Variants in EPB41L4B observed in about 807,000 individuals in gnomAD.
The protein encoded by EPB41L4B is erythrocyte membrane protein band 4.1 like 4B.
EPB41L4B carries 30 observed loss-of-function variants against 112.5 expected under a neutral mutation model. That is an observed-to-expected ratio of 0.27 (90% CI 0.20 to 0.36). The LOEUF (loss-of-function observed/expected upper bound fraction) is 0.36, where lower values mean the gene tolerates loss of function less well. Ranked by LOEUF, EPB41L4B falls within the 10% of genes least tolerant of loss-of-function variation. The pLI, the probability that EPB41L4B is intolerant of heterozygous loss-of-function variation, is 1.00. For missense variants in EPB41L4B, 1,024 were observed against 1,133.3 expected, an observed-to-expected ratio of 0.90 and a Z score of 1.38; for synonymous variants, 408 against 439.7, an observed-to-expected ratio of 0.93 and a Z score of 0.90.
At position 109,174,520 on chromosome 9, in the gene EPB41L4B, A is replaced by G; in HGVS notation, c.*34T>C. On this transcript the variant is annotated 3_prime_UTR_variant, in exon 26 of 26. Transcript: ENST00000374566. ...CGAAGAAAGAAGACGGACAGAAGGC[A>G]CCATGCCATCTTCCAGGTGACAAGG... 2 of 1,577,444 alleles carry G rather than the reference A, an allele frequency of 1.3e-6. No individual in the cohort carries two copies. Among genetic ancestry groups the G allele is most frequent in the Non-Finnish European group, 1.7e-6 (2 of 1,146,430 alleles).
intron 1 of EPB41L4B, among the ~76,000 whole-genome samples, chr9:109,290,270 G>A (rs1836474124): frequency 6.6e-6 from 1 of 152,004 alleles, no homozygotes; most frequent in Non-Finnish European, 1.5e-5. Flanking sequence ...TAGCAAATGA[G>A]CATACACTGC....
At chr9:109,190,799 G>A (rs1201391220) in intron 22 of EPB41L4B, among the ~76,000 whole-genome samples, 1 of 152,212 alleles carries the variant, frequency 6.6e-6, no homozygotes, top group African/African-American at 2.4e-5. Flanking sequence ...GTGAAGGACT[G>A]GATGAGATGG....
At chr9:109,196,469 G>A (rs1475851927) in intron 20 of EPB41L4B, among the ~76,000 whole-genome samples, 3 of 152,070 alleles carry the variant, frequency 2.0e-5, no homozygotes, top group South Asian at 2.1e-4. Context: ...CTGTAATCCC[G>A]GCACTCTGGG....
intron 20 of EPB41L4B, chr9:109,196,338 A>G (rs993976131): frequency 2.0e-5 from 3 of 152,124 alleles, no homozygotes; most frequent in African/African-American, 7.2e-5. Context: ...CTTTTACACT[A>G]TGTTTAAATA....
intron 1 of EPB41L4B, among the ~76,000 whole-genome samples, chr9:109,319,393 G>T (rs1332875595): frequency 1.3e-5 from 2 of 152,168 alleles, no homozygotes; most frequent in Admixed American, 1.3e-4. Context: ...AGTCAGGCGC[G>T]CCTGGCCCCC....
Position 109,248,077 on chromosome 9 carries a change from G to T in EPB41L4B, c.1311-288C>A, listed in dbSNP as rs1834629876. ...GTCATATTTTGGTGACAAAAATGAG[G>T]TCCTGTTTCAGTTGGGCAAACCAAG... is the stretch of plus-strand genomic sequence containing the variant. On this transcript the variant is annotated intron_variant, in intron 13 of 25. Transcript: ENST00000374566. 2.0e-5 allele frequency among the ~76,000 whole-genome samples: 3 copies of T among 152,196 alleles called. No individual in the cohort carries two copies. The South Asian group carries it at 6.2e-4, about 31-fold the overall frequency.
At chr9:109,314,463 G>A (rs1837550574) in intron 1 of EPB41L4B, among the ~76,000 whole-genome samples, 1 of 152,104 alleles carries the variant, frequency 6.6e-6, no homozygotes, top group Admixed American at 6.5e-5. Flanking sequence ...CTGTACCAGT[G>A]TAGGGTCATG....
At position 109,203,126 on chromosome 9, in the gene EPB41L4B, C is replaced by G. The variant is rs1260802596; in HGVS notation, c.1946+537G>C. 1.3e-5 allele frequency among the ~76,000 whole-genome samples: 2 copies of G among 152,184 alleles called. 1 individual carries two copies. The highest frequency in any genetic ancestry group is 1.3e-4 in the Admixed American group (2 of 15,282). Reference sequence around the variant, plus strand: ...CCGAGATCGCACCACTGCACTCCAGCCTGGGCAACAGAGGAAGACTCTGTC... The same window carrying G: ...CCGAGATCGCACCACTGCACTCCAGGCTGGGCAACAGAGGAAGACTCTGTC... On this transcript the variant is annotated intron_variant, in intron 19 of 25. Coordinates refer to ENST00000374566, the MANE Select transcript of EPB41L4B (RefSeq NM_019114.5).
chr9:109,249,072 A>AAATAT (rs1433334004), intron 13 of EPB41L4B, among the ~76,000 whole-genome samples: 35 of 130,922 alleles, frequency 2.7e-4, no homozygotes, highest in African/African-American at 9.7e-4. Flanking sequence ...AAAAAAAAAA[A>AAATAT]ATATATATAT....
chr9:109,242,598 G>C (rs1179925169), intron 15 of EPB41L4B, among the ~76,000 whole-genome samples: 1 of 152,158 alleles, frequency 6.6e-6, no homozygotes, highest in Non-Finnish European at 1.5e-5. Flanking sequence ...TGACTACCAA[G>C]TGTTTATAAA....
At position 109,320,142 on chromosome 9, in the gene EPB41L4B, G is replaced by T. The variant is rs926489461; in HGVS notation, c.305C>A (p.Pro102Gln). The T allele has an allele frequency of 6.8e-7, 1 of 1,463,102 alleles. No homozygotes were observed. The highest frequency in any genetic ancestry group is 3.0e-5 in the East Asian group (1 of 33,792). The allele number at this position is 1,463,102 out of a possible 1,614,324, so 90.6% of individuals were successfully genotyped here. A position where few individuals can be genotyped will look rare whatever the true frequency, so the allele number is the denominator to read the frequency against. ...CCCCAGACTGGCCCCGTCACTCACCGGCAGGTCCACGCTCACTTCGGTCCC... is the reference window on the plus strand; with the variant it reads ...CCCCAGACTGGCCCCGTCACTCACCTGCAGGTCCACGCTCACTTCGGTCCC... ...LDGTEVSVDLPKHAKGQDLFD... is the reference protein window; with the variant it reads ...LDGTEVSVDLQKHAKGQDLFD... Residue 102 changes from proline (P) to glutamine (Q), a missense_variant and splice_region_variant, in exon 1 of 26, where the codon CCG becomes CAG. Physicochemically the swap from Pro to Gln is moderately conservative, Grantham distance 76. Coordinates refer to ENST00000374566, the MANE Select transcript of EPB41L4B (RefSeq NM_019114.5).
At chr9:109,212,461 G>C (rs1208617297) in intron 17 of EPB41L4B, among the ~76,000 whole-genome samples, 2 of 151,974 alleles carry the variant, frequency 1.3e-5, no homozygotes, top group African/African-American at 4.8e-5. Context: ...ATCATGGAGG[G>C]AGGTATAGAA....
At chr9:109,224,424 G>A (rs1407691988) in intron 15 of EPB41L4B, among the ~76,000 whole-genome samples, 6 of 152,106 alleles carry the variant, frequency 3.9e-5, no homozygotes, top group Non-Finnish European at 2.9e-5. Context: ...TATACTACAT[G>A]AAAGAAGCCA....
Position 109,247,209 on chromosome 9 carries a change from G to A in EPB41L4B, c.1344+547C>T, listed in dbSNP as rs1305755247. Among the ~76,000 whole-genome samples the A allele has an allele frequency of 3.3e-5, 5 of 150,968 alleles. No individual in the cohort carries two copies. The East Asian group carries it at 5.8e-4, about 18-fold the overall frequency. On this transcript the variant is annotated intron_variant, in intron 14 of 25. Coordinates refer to ENST00000374566, the MANE Select transcript of EPB41L4B (RefSeq NM_019114.5). ...TTTTTTTTTAATCAGGGGCGTGAGA[G>A]GGGAGCAATTCGCAAATAATTTGGG... is the stretch of plus-strand genomic sequence containing the variant.
chr9:109,266,985 A>G (rs988795522), intron 4 of EPB41L4B, among the ~76,000 whole-genome samples: 1 of 146,272 alleles, frequency 6.8e-6, no homozygotes, highest in Non-Finnish European at 1.5e-5. Flanking sequence ...AAAAAAAAAA[A>G]AAAAAAAAGA....
chr9:109,245,906 T>G (rs1834537250), intron 14 of EPB41L4B, among the ~76,000 whole-genome samples: 1 of 152,224 alleles, frequency 6.6e-6, no homozygotes, highest in South Asian at 2.1e-4. Flanking sequence ...AATCGCCTCA[T>G]GTTCACTCTA....
chr9:109,269,411 T>C (rs1835529507), intron 2 of EPB41L4B, among the ~76,000 whole-genome samples: 1 of 152,218 alleles, frequency 6.6e-6, no homozygotes, highest in Non-Finnish European at 1.5e-5. Context: ...GTCAAAGTCG[T>C]TGATACTGCT....
At chr9:109,243,445 A>G (rs1161877037) in intron 15 of EPB41L4B, among the ~76,000 whole-genome samples, 173 bp downstream of exon 15, 1 of 152,210 alleles carries the variant, frequency 6.6e-6, no homozygotes, top group African/African-American at 2.4e-5. Flanking sequence ...TGATACATCC[A>G]CACACATCAC....
intron 17 of EPB41L4B, among the ~76,000 whole-genome samples, chr9:109,210,977 A>G (rs922152346): frequency 1.3e-5 from 2 of 152,208 alleles, no homozygotes; most frequent in Non-Finnish European, 2.9e-5. Context: ...TCATTTGGGG[A>G]TAAAGAAATG....
Sources: allele counts gnomAD v4.1 joint callset (sites outside exome capture counted in the v4.1 genomes callset), GRCh38; gene constraint gnomAD v4.1.1; transcripts MANE v1.5; gene names NCBI Gene and HGNC (gene_info 2026-07-23, HGNC 2026-07-21).